The following INSR variants were observed in gnomAD, a reference collection of about 807,000 sequenced individuals.
INSR encodes the protein IR.
INSR carries 67 observed loss-of-function variants against 142.6 expected under a neutral mutation model. The observed-to-expected ratio is 0.47, with a 90% CI of 0.39 to 0.58. INSR has a LOEUF of 0.58. Ranked by LOEUF, INSR falls within the 20% of genes least tolerant of loss-of-function variation. The pLI, the probability that INSR is intolerant of heterozygous loss-of-function variation, is 0.00. For missense variants in INSR, 1,248 were observed against 1,833.2 expected (o/e 0.68, Z 5.83); for synonymous variants, 756 against 743.1 (o/e 1.02, Z -0.28).
chr19:7,198,297 CTG>C (rs1027277226), intron 2 of INSR, among the ~76,000 whole-genome samples: 1 of 151,768 alleles, frequency 6.6e-6, no homozygotes, highest in Non-Finnish European at 1.5e-5. Context: ...GCTCCCCAGA[CTG>C]GCGCTCGGGC....
rs773485297 is a variant in INSR, at chr19:7,117,228, T to C, written c.3977A>G (p.Asn1326Ser). 6.2e-6 allele frequency: 10 copies of C among 1,614,146 alleles called. No homozygotes were observed. The East Asian group carries it at 1.6e-4, about 25-fold the overall frequency. ...GTGCGAGGAACGGTCCAGGGGCACATTCTCCATGTCCTCAAACTCCATCTC... is the reference window on the plus strand; with the variant it reads ...GTGCGAGGAACGGTCCAGGGGCACACTCTCCATGTCCTCAAACTCCATCTC... ...ELEMEFEDME[N>S]VPLDRSSHCQ... The change falls in exon 22 of 22, where the codon AAT becomes AGT. Residue 1326 changes from asparagine (N) to serine (S), a missense_variant. Physicochemically the swap from Asn to Ser is conservative, Grantham distance 46. Transcript: ENST00000302850.
At chr19:7,178,276 G>T in intron 3 of INSR, among the ~76,000 whole-genome samples, 1 of 138,966 alleles carries the variant, frequency 7.2e-6, no homozygotes, top group Non-Finnish European at 1.6e-5. Flanking sequence ...CATGAGGGTG[G>T]GGGGCGGTCA....
intron 2 of INSR, among the ~76,000 whole-genome samples, chr19:7,232,358 C>T (rs1261237827): frequency 6.6e-6 from 1 of 152,020 alleles, no homozygotes; most frequent in African/African-American, 2.4e-5. Context: ...ATTACAGGAA[C>T]GCACCATCAC....
chr19:7,174,526 G>T, intron 4 of INSR, 57 bp downstream of exon 4: 1 of 1,601,344 alleles, frequency 6.2e-7, no homozygotes, highest in Non-Finnish European at 8.6e-7. Context: ...CCCGCTCACA[G>T]CTCAGAGGGA....
chr19:7,153,184 AAC>A (rs1196391910), intron 9 of INSR, among the ~76,000 whole-genome samples: 1 of 1,156 alleles, frequency 8.7e-4, no homozygotes, highest in Non-Finnish European at 3.4e-3. Context: ...ACAAACACAC[AAC>A]CACACACACA....
At chr19:7,211,621 G>C (rs989591070) in intron 2 of INSR, among the ~76,000 whole-genome samples, 7 of 152,042 alleles carry the variant, frequency 4.6e-5, no homozygotes, top group African/African-American at 1.7e-4. Flanking sequence ...GACCCCTCAG[G>C]AACCAAAACA....
chr19:7,222,775 G>A (rs117981115), intron 2 of INSR, among the ~76,000 whole-genome samples: 4,665 of 152,242 alleles, frequency 0.031, 97 homozygotes, highest in Middle Eastern at 0.092. Context: ...GGGCCAGGCT[G>A]TAGGTAACTA....
intron 1 of INSR, among the ~76,000 whole-genome samples, chr19:7,271,392 T>G (rs533067809): frequency 5.3e-5 from 8 of 151,964 alleles, no homozygotes; most frequent in African/African-American, 1.4e-4. Context: ...TCCAGACACT[T>G]GGGAGTCTGA....
chr19:7,207,431 CAAAACAAAAT>C (rs1003049318), intron 2 of INSR, among the ~76,000 whole-genome samples: 3 of 151,594 alleles, frequency 2.0e-5, no homozygotes, highest in Non-Finnish European at 2.9e-5. Flanking sequence ...CAAAACAAAA[CAAAACAAAAT>C]AAAAAATTAA....
intron 9 of INSR, among the ~76,000 whole-genome samples, chr19:7,154,098 T>G (rs951322636): frequency 1.3e-5 from 2 of 150,116 alleles, no homozygotes. Flanking sequence ...GAGGTGGAGG[T>G]TGCAGTGAGC....
intron 1 of INSR, among the ~76,000 whole-genome samples, chr19:7,290,267 AGGGTGGC>A (rs1478661531): frequency 2.6e-5 from 4 of 152,058 alleles, no homozygotes; most frequent in Non-Finnish European, 5.9e-5. Flanking sequence ...TTAGCCAGGC[AGGGTGGC>A]GTGTGCCTGT....
intron 2 of INSR, among the ~76,000 whole-genome samples, chr19:7,208,667 C>T (rs1248334598): frequency 4.0e-5 from 6 of 151,720 alleles, no homozygotes; most frequent in African/African-American, 1.5e-4. Flanking sequence ...CCCAGGAGCT[C>T]GAGACCAGCT....
intron 1 of INSR, among the ~76,000 whole-genome samples, chr19:7,290,184 C>G (rs529133310): frequency 6.6e-6 from 1 of 152,130 alleles, no homozygotes; most frequent in South Asian, 2.1e-4. Flanking sequence ...GCAGGCAGAT[C>G]GCTTGAGGCC....
At chr19:7,156,981 T>G (rs1011569953) in intron 9 of INSR, among the ~76,000 whole-genome samples, 4 of 89,122 alleles carry the variant, frequency 4.5e-5, no homozygotes, top group African/African-American at 1.2e-4. Context: ...TTGTTTGTTT[T>G]TTGTTTTTGT....
intron 2 of INSR, among the ~76,000 whole-genome samples, chr19:7,262,349 G>A (rs1257296612): frequency 3.9e-5 from 6 of 152,148 alleles, no homozygotes; most frequent in African/African-American, 9.7e-5. Context: ...GCAGGTGCCC[G>A]TAATCCGAGC....
intron 17 of INSR, among the ~76,000 whole-genome samples, chr19:7,124,620 T>TGAA (rs1972596155): frequency 1.6e-5 from 1 of 63,880 alleles, no homozygotes; most frequent in Non-Finnish European, 2.7e-5. Flanking sequence ...TATATATATA[T>TGAA]ATATATATAT....
At chr19:7,243,799 G>A (rs1212196076) in intron 2 of INSR, among the ~76,000 whole-genome samples, 1 of 152,160 alleles carries the variant, frequency 6.6e-6, no homozygotes, top group East Asian at 1.9e-4. Flanking sequence ...ACGTTATGCT[G>A]AAAGAATAAT....
Position 7,172,366 on chromosome 19 carries a change from G to T in INSR, c.1192C>A (p.Arg398Ser). Residue 398 changes from arginine (R) to serine (S), a missense_variant, in exon 5 of 22, where the codon CGC becomes AGC. Physicochemically the swap from Arg to Ser is moderately radical, Grantham distance 110 (BLOSUM62 -1). Around this residue, in one of 3 missense-constraint regions of INSR, gnomAD observed 1,069 missense variants for 1,654.0 expected, o/e 0.65. Coordinates refer to ENST00000302850, the MANE Select transcript of INSR (RefSeq NM_000208.4). ...AGTGACACCAGAGCGTAGGATCGGC[G>T]GATTTTTAGATACCCTGAAATTTCT... Reference protein sequence around the residue: ...IEEISGYLKIRRSYALVSLSF... With the variant: ...IEEISGYLKISRSYALVSLSF... 6.2e-7 allele frequency: 1 copy of T among 1,614,074 alleles called. No individual in the cohort carries two copies. The highest frequency in any genetic ancestry group is 8.5e-7 in the Non-Finnish European group (1 of 1,179,990).
intron 9 of INSR, among the ~76,000 whole-genome samples, chr19:7,158,450 G>A (rs111338547): frequency 0.085 from 12,936 of 152,116 alleles, 1,440 homozygotes; most frequent in African/African-American, 0.25. Flanking sequence ...GCAGTGAGCC[G>A]AGATCACGCC....
Sources: gnomAD v4.1 joint callset for allele counts (sites outside exome capture counted in the v4.1 genomes callset) on GRCh38, gnomAD v4.1.1 for gene constraint, gnomAD v4.1.1 regional missense constraint, MANE v1.5 for transcripts, NCBI Gene and HGNC (gene_info 2026-07-23, HGNC 2026-07-21) for gene names.